The following PPP1CC variants were observed in gnomAD, a reference collection of about 807,000 sequenced individuals.
PPP1CC encodes the protein protein phosphatase 1 catalytic subunit gamma, also known as serine/threonine-protein phosphatase PP1-gamma catalytic subunit.
In PPP1CC, 16 loss-of-function variants were observed where a neutral mutation model predicts 38.4. The observed-to-expected ratio is 0.42, with a 90% confidence interval of 0.28 to 0.63. The LOEUF (loss-of-function observed/expected upper bound fraction) is 0.63. PPP1CC is among the 30% of genes least tolerant of loss of function. The pLI is 0.25. For missense variants in PPP1CC, 170 were observed against 391.3 expected (o/e 0.43, Z 4.77); for synonymous variants, 158 against 136.0 (o/e 1.16, Z -1.13).
chr12:110,716,216 G>A (rs750341597), downstream of PPP1CC, among the ~76,000 whole-genome samples: 3 of 152,126 alleles, frequency 2.0e-5, no homozygotes, highest in Admixed American at 1.3e-4. Flanking sequence ...AAGACTTGCC[G>A]TACTGATTCA....
chr12:110,742,593 C>T, intron 1 of PPP1CC, 60 bp downstream of exon 1: 2 of 1,360,820 alleles, frequency 1.5e-6, no homozygotes, highest in Admixed American at 3.0e-5. Context: ...CTCGAGCCCC[C>T]GGGGCCGCCT....
chr12:110,714,805 CAAAAAA>C (rs1164975036), downstream of PPP1CC, among the ~76,000 whole-genome samples: 221 of 22,034 alleles, frequency 0.01, no homozygotes, highest in African/African-American at 0.035. Flanking sequence ...GACTCTGTCT[CAAAAAA>C]AAAAAAAAAA....
chr12:110,732,489 TGG>T (rs1015028808), intron 1 of PPP1CC: 1 of 152,504 alleles, frequency 6.6e-6, no homozygotes, highest in Non-Finnish European at 1.5e-5. Flanking sequence ...CAGAGGACCA[TGG>T]GTATCTCCTC....
chr12:110,729,919 C>T lies in PPP1CC; in HGVS notation c.418+610G>A, dbSNP rs573240032. On this transcript the variant is annotated intron_variant, in intron 3 of 6. Transcript: ENST00000335007. ...ATTTGGAATGGTTCTCAGATTTCTA[C>T]TAAGAATTAAGTTATCTGTGAATAC... is the stretch of plus-strand genomic sequence containing the variant. 4.6e-5 allele frequency among the ~76,000 whole-genome samples: 7 copies of T among 152,346 alleles called. No individual in the cohort carries two copies. The East Asian group carries it at 1.3e-3, about 29-fold the overall frequency.
chr12:110,737,497 A>AAAAAAAAAAAAAAAAAG (rs2069959460), intron 1 of PPP1CC, among the ~76,000 whole-genome samples: 4 of 147,616 alleles, frequency 2.7e-5, no homozygotes, highest in African/African-American at 7.7e-5. Context: ...AAAAAAAAAA[A>AAAAAAAAAAAAAAAAAG]AAAAGAAAAG....
chr12:110,736,173 AATATTTC>A (rs2069942606), intron 1 of PPP1CC, among the ~76,000 whole-genome samples: 2 of 152,214 alleles, frequency 1.3e-5, no homozygotes, highest in African/African-American at 2.4e-5. Flanking sequence ...TAGAAGTATT[AATATTTC>A]TTTATCTGGC....
the PPP1CC span, among the ~76,000 whole-genome samples, chr12:110,713,087 A>G: frequency 1.3e-5 from 2 of 152,058 alleles, no homozygotes; most frequent in African/African-American, 4.8e-5. Context: ...AAAAGAAAAA[A>G]GAAATGAAAA....
At chr12:110,712,964 T>C in the PPP1CC span, among the ~76,000 whole-genome samples, 1 of 151,790 alleles carries the variant, frequency 6.6e-6, no homozygotes, top group Non-Finnish European at 1.5e-5. Context: ...TCCCAGCTAC[T>C]TGGGAGGCTG....
chr12:110,729,517 G>GT (rs2069848068), intron 3 of PPP1CC, among the ~76,000 whole-genome samples: 1 of 152,104 alleles, frequency 6.6e-6, no homozygotes, highest in Non-Finnish European at 1.5e-5. Context: ...TAAGAACTGT[G>GT]TTTTGTCAAT....
chr12:110,716,681 GT>G (rs1323974300), downstream of PPP1CC, among the ~76,000 whole-genome samples: 1 of 152,192 alleles, frequency 6.6e-6, no homozygotes, highest in Non-Finnish European at 1.5e-5. Context: ...TTACAAAACT[GT>G]TTACATGATT....
Position 110,720,931 on chromosome 12 carries a change from C to A in PPP1CC, c.*145G>T. Reference sequence around the variant, plus strand: ...CATTTGCTGTTATAACCAGCAAATGCCATTCACTAAATCAAAAATGGAAGG... The same window carrying A: ...CATTTGCTGTTATAACCAGCAAATGACATTCACTAAATCAAAAATGGAAGG... On this transcript the variant is annotated 3_prime_UTR_variant, in exon 7 of 7. Transcript: ENST00000335007. 1 of 594,682 alleles carries A rather than the reference C, an allele frequency of 1.7e-6. No homozygotes were observed. Among genetic ancestry groups the A allele is most frequent in the South Asian group, 2.4e-5 (1 of 41,316 alleles). 36.8% of individuals were successfully genotyped at this position (594,682 alleles called of 1,614,324 possible).
intron 4 of PPP1CC, among the ~76,000 whole-genome samples, chr12:110,723,886 C>T (rs1389314218): frequency 3.3e-5 from 5 of 152,132 alleles, no homozygotes; most frequent in Non-Finnish European, 7.3e-5. Context: ...CTACTCACAT[C>T]TTGAGTGTTC....
rs1175591060 is a variant in PPP1CC at position 110,722,818 on chromosome 12, GATT to G, written c.524-126_524-124del. The stretch of plus-strand genomic sequence containing the variant: ...TCCTGACATAAAAACTGAAATCTAT[GATT>G]ATATTTTATTTACTTTTGGTTAAAA... On this transcript the variant is annotated intron_variant, in intron 4 of 6. Coordinates refer to ENST00000335007, the MANE Select transcript of PPP1CC (RefSeq NM_002710.4). This position sits in a 1 kb window ranked among gnomAD's most constrained non-coding sequence, Gnocchi z 5.4. 6 of 743,516 alleles carry G rather than the reference GATT, an allele frequency of 8.1e-6. No homozygotes were observed. The highest frequency in any genetic ancestry group is 6.1e-5 in the South Asian group (3 of 48,974). 46.1% of individuals were successfully genotyped at this position (743,516 alleles called of 1,614,324 possible). A position where few individuals can be genotyped will look rare whatever the true frequency, so the allele number is the denominator to read the frequency against.
At position 110,720,287 on chromosome 12, in the gene PPP1CC, C is replaced by T; in HGVS notation, c.*789G>A. 3 of 1,140,132 alleles carry T rather than the reference C, an allele frequency of 2.6e-6. No homozygotes were observed. The highest frequency in any genetic ancestry group is 3.8e-6 in the Non-Finnish European group (3 of 798,966). 70.6% of individuals were successfully genotyped at this position (1,140,132 alleles called of 1,614,324 possible). A position where few individuals can be genotyped will look rare whatever the true frequency, so the allele number is the denominator to read the frequency against. ...CTTTTATCGTTAGTAGCTTAAACAGCACTATATCACTAATTGCTATTCAAA... is the reference window on the plus strand; with the variant it reads ...CTTTTATCGTTAGTAGCTTAAACAGTACTATATCACTAATTGCTATTCAAA... On this transcript the variant is annotated 3_prime_UTR_variant, in exon 7 of 7. Coordinates refer to ENST00000335007, the MANE Select transcript of PPP1CC (RefSeq NM_002710.4).
Position 110,720,388 on chromosome 12 carries a change from T to C in PPP1CC, c.*688A>G, listed in dbSNP as rs1367049368. ...ATACCACCTTGTACTTAGGGGTGTG[T>C]CAAAACATAATTCAACAGAAACTTT... On this transcript the variant is annotated 3_prime_UTR_variant, in exon 7 of 7. Transcript: ENST00000335007. The C allele has an allele frequency of 4.1e-6, 2 of 492,200 alleles. No homozygotes were observed. The highest frequency in any genetic ancestry group is 7.4e-5 in the Admixed American group (2 of 27,038). The allele number at this position is 492,200 out of a possible 1,614,324, so 30.5% of individuals were successfully genotyped here.
At chr12:110,718,596 A>T (rs550415926), downstream of PPP1CC, among the ~76,000 whole-genome samples, 2 of 152,246 alleles carry the variant, frequency 1.3e-5, no homozygotes, top group Non-Finnish European at 2.9e-5. Flanking sequence ...CAAAGACACG[A>T]AAGAACTGGG....
the PPP1CC span, among the ~76,000 whole-genome samples, chr12:110,711,111 G>C: frequency 3.9e-5 from 6 of 152,130 alleles, no homozygotes; most frequent in Middle Eastern, 0.014. Context: ...AGGAGGCGGA[G>C]GTTGCAGTGA....
At position 110,724,778 on chromosome 12, in the gene PPP1CC, G is replaced by T; in HGVS notation, c.419-14C>A. On this transcript the variant is annotated splice_polypyrimidine_tract_variant and intron_variant, in intron 3 of 6. Coordinates refer to ENST00000335007, the MANE Select transcript of PPP1CC (RefSeq NM_002710.4). ...ATCTTCTTTTACCTGTGATTAAAAAGAGAGTATTACATTAAAAAGAGAGTA... is the reference window on the plus strand; with the variant it reads ...ATCTTCTTTTACCTGTGATTAAAAATAGAGTATTACATTAAAAAGAGAGTA... 6.9e-7 allele frequency: 1 copy of T among 1,452,182 alleles called. No homozygotes were observed. The highest frequency in any genetic ancestry group is 1.1e-5 in the South Asian group (1 of 87,418). The allele number at this position is 1,452,182 out of a possible 1,614,324, so 90.0% of individuals were successfully genotyped here.
At position 110,720,381 on chromosome 12, in the gene PPP1CC, G is replaced by A; in HGVS notation, c.*695C>T. 1 of 516,930 alleles carries A rather than the reference G, an allele frequency of 1.9e-6. No individual in the cohort carries two copies. The highest frequency in any genetic ancestry group is 3.4e-6 in the Non-Finnish European group (1 of 294,484). 32.0% of individuals were successfully genotyped at this position (516,930 alleles called of 1,614,324 possible). On this transcript the variant is annotated 3_prime_UTR_variant, in exon 7 of 7. Coordinates refer to ENST00000335007, the MANE Select transcript of PPP1CC (RefSeq NM_002710.4). Reference sequence around the variant, plus strand: ...TACAACCATACCACCTTGTACTTAGGGGTGTGTCAAAACATAATTCAACAG... The same window carrying A: ...TACAACCATACCACCTTGTACTTAGAGGTGTGTCAAAACATAATTCAACAG...
Sources: gnomAD v4.1 joint callset for allele counts (sites outside exome capture counted in the v4.1 genomes callset) on GRCh38, gnomAD v4.1.1 for gene constraint, Gnocchi (gnomAD v3.1) non-coding constraint, MANE v1.5 for transcripts, NCBI Gene and HGNC (gene_info 2026-07-23, HGNC 2026-07-21) for gene names.